LMX1B: variants seen among roughly 807,000 people sequenced by gnomAD.
The protein encoded by LMX1B is LIM homeobox transcription factor 1-beta.
Under a neutral mutation model 51.4 loss-of-function variants are expected in LMX1B, and 12 were observed. The ratio of observed to expected loss-of-function variants is 0.23; its 90% CI spans 0.15 to 0.38. LMX1B has a LOEUF of 0.38. Among genes scored for constraint, LMX1B ranks in the 10% least tolerant of loss-of-function variants. The pLI is 1.00. For missense variants in LMX1B, 445 were observed against 571.1 expected, an observed-to-expected ratio of 0.78 and a Z score of 2.25; for synonymous variants, 237 against 235.4, an observed-to-expected ratio of 1.01 and a Z score of -0.06.
intron 2 of LMX1B, among the ~76,000 whole-genome samples, chr9:126,685,382 T>C (rs1836751717): frequency 6.6e-6 from 1 of 152,076 alleles, no homozygotes; most frequent in Non-Finnish European, 1.5e-5. Flanking sequence ...TATCCTGACA[T>C]TTTGGGGTAC....
At chr9:126,629,358 TC>T (rs1835593382) in intron 2 of LMX1B, among the ~76,000 whole-genome samples, 1 of 152,232 alleles carries the variant, frequency 6.6e-6, no homozygotes, top group Non-Finnish European at 1.5e-5. Context: ...GCACTTGTGG[TC>T]CATCAGGCAC....
intron 2 of LMX1B, among the ~76,000 whole-genome samples, chr9:126,644,463 C>A (rs1401305344): frequency 6.6e-6 from 1 of 152,172 alleles, no homozygotes; most frequent in Non-Finnish European, 1.5e-5. Flanking sequence ...GCTCCCTTCT[C>A]TAGGACGGGG....
chr9:126,619,018 G>A (rs984073670), intron 2 of LMX1B, among the ~76,000 whole-genome samples: 1 of 152,034 alleles, frequency 6.6e-6, no homozygotes, highest in Non-Finnish European at 1.5e-5. Context: ...CGAGCCTCTC[G>A]GCGACACAGA....
At chr9:126,616,305 G>A (rs1030295660) in intron 2 of LMX1B, among the ~76,000 whole-genome samples, 6 of 152,198 alleles carry the variant, frequency 3.9e-5, no homozygotes, top group African/African-American at 1.2e-4. Context: ...GAGATGGCCC[G>A]CTCTGCCCTG....
intron 2 of LMX1B, among the ~76,000 whole-genome samples, chr9:126,623,610 G>A (rs946595196): frequency 6.6e-6 from 1 of 152,210 alleles, no homozygotes; most frequent in African/African-American, 2.4e-5. Flanking sequence ...TCCCAAAGCC[G>A]GATGGGTTCT....
At chr9:126,660,050 G>A (rs961567343) in intron 2 of LMX1B, among the ~76,000 whole-genome samples, 2,648 of 70,624 alleles carry the variant, frequency 0.037, 12 homozygotes, top group Middle Eastern at 0.088. Flanking sequence ...GGCTTCAGAG[G>A]TTGTCCTGCG....
intron 2 of LMX1B, among the ~76,000 whole-genome samples, chr9:126,651,559 T>C (rs1003913052): frequency 6.6e-6 from 1 of 152,034 alleles, no homozygotes; most frequent in Non-Finnish European, 1.5e-5. Context: ...CACACACACC[T>C]GAGACCTCTA....
chr9:126,638,129 AG>A (rs1210770642), intron 2 of LMX1B, among the ~76,000 whole-genome samples: 1 of 151,996 alleles, frequency 6.6e-6, no homozygotes, highest in Non-Finnish European at 1.5e-5. Flanking sequence ...GTTCCAGGGC[AG>A]GGGGCAGGTT....
intron 6 of LMX1B, among the ~76,000 whole-genome samples, chr9:126,694,988 G>A (rs891904032): frequency 7.2e-5 from 11 of 152,038 alleles, no homozygotes; most frequent in Middle Eastern, 3.4e-3. Context: ...ACCACCATCC[G>A]CCCTGTCCGA....
chr9:126,625,133 A>G lies in LMX1B; in HGVS notation c.326+9564A>G, dbSNP rs776522799. On this transcript the variant is annotated intron_variant, in intron 2 of 7. Transcript: ENST00000373474. The surrounding 1 kb of genome is among the most constrained non-coding windows in gnomAD (Gnocchi z 5.3). ...TTATTCATGTCAAGCACAGAAAAGAAGCCGAGCACCTTACAACCGTGTCCC... is the reference window on the plus strand; with the variant it reads ...TTATTCATGTCAAGCACAGAAAAGAGGCCGAGCACCTTACAACCGTGTCCC... 6.6e-6 allele frequency among the ~76,000 whole-genome samples: 1 copy of G among 152,234 alleles called. No homozygotes were observed. The highest frequency in any genetic ancestry group is 1.5e-5 in the Non-Finnish European group (1 of 68,042).
intron 2 of LMX1B, among the ~76,000 whole-genome samples, chr9:126,631,287 T>C (rs531027341): frequency 6.6e-6 from 1 of 152,314 alleles, no homozygotes; most frequent in East Asian, 1.9e-4. Flanking sequence ...AAAATAACAG[T>C]AATGATAGTA....
intron 2 of LMX1B, among the ~76,000 whole-genome samples, chr9:126,670,728 T>G (rs1836433647): frequency 6.6e-6 from 1 of 152,192 alleles, no homozygotes; most frequent in African/African-American, 2.4e-5. Context: ...TCCCTCACCC[T>G]CTTGGATAGG....
rs771879264 is a variant in LMX1B at position 126,693,345 on chromosome 9, G to A, written c.741+22G>A. 3 of 1,581,254 alleles carry A rather than the reference G, an allele frequency of 1.9e-6. No individual in the cohort carries two copies. In the East Asian group the frequency reaches 7.0e-5, roughly 37 times the overall value. ...AAAGGTGAGGGGCGGCCGGGGGGCG[G>A]GGCTCAGGCTGATGCCCGCACACCC... On this transcript the variant is annotated intron_variant, in intron 4 of 7. Coordinates refer to ENST00000373474, the MANE Select transcript of LMX1B (RefSeq NM_001174147.2).
chr9:126,672,880 C>G (rs1476949895), intron 2 of LMX1B, among the ~76,000 whole-genome samples: 2 of 152,248 alleles, frequency 1.3e-5, no homozygotes, highest in East Asian at 3.9e-4. Context: ...TTATCGCTTG[C>G]TGGCCCCAGT....
At chr9:126,623,837 G>C (rs1160748496) in intron 2 of LMX1B, among the ~76,000 whole-genome samples, 2 of 152,216 alleles carry the variant, frequency 1.3e-5, no homozygotes, top group African/African-American at 2.4e-5. Context: ...CCCTGGGCGG[G>C]AGAGCTTCCT....
At chr9:126,655,709 G>A (rs1836103959) in intron 2 of LMX1B, among the ~76,000 whole-genome samples, 1 of 152,206 alleles carries the variant, frequency 6.6e-6, no homozygotes, top group East Asian at 1.9e-4. Context: ...GATACTGTTT[G>A]TTTTGTTTTA....
chr9:126,669,295 G>A (rs1836405284), intron 2 of LMX1B, among the ~76,000 whole-genome samples: 1 of 151,960 alleles, frequency 6.6e-6, no homozygotes, highest in Non-Finnish European at 1.5e-5. Context: ...ACTCCCGGCG[G>A]ATGAGGCCTG....
chr9:126,653,800 C>T (rs1229491822), intron 2 of LMX1B, among the ~76,000 whole-genome samples: 1 of 151,800 alleles, frequency 6.6e-6, no homozygotes, highest in African/African-American at 2.4e-5. Flanking sequence ...GTTATTTAAT[C>T]TTATTAAATG....
In LMX1B at chr9:126,693,354, C is replaced by G; in HGVS notation, c.741+31C>G. The stretch of plus-strand genomic sequence containing the variant: ...GGGCGGCCGGGGGGCGGGGCTCAGG[C>G]TGATGCCCGCACACCCACTGCCTTT... On this transcript the variant is annotated intron_variant, in intron 4 of 7. Coordinates refer to ENST00000373474, the MANE Select transcript of LMX1B (RefSeq NM_001174147.2). The G allele has an allele frequency of 3.2e-6, 5 of 1,577,442 alleles. No individual in the cohort carries two copies. In the East Asian group the frequency reaches 1.2e-4, roughly 37 times the overall value.
Sources: allele counts gnomAD v4.1 joint callset (sites outside exome capture counted in the v4.1 genomes callset), GRCh38; gene constraint gnomAD v4.1.1; non-coding constraint Gnocchi (gnomAD v3.1); transcripts MANE v1.5; gene names NCBI Gene and HGNC (gene_info 2026-07-23, HGNC 2026-07-21).